The following TMEM108 variants were observed in gnomAD, a reference collection of about 807,000 sequenced individuals.
TMEM108 encodes transmembrane protein 108, also known as cancer/testis antigen 124.
TMEM108 carries 12 observed loss-of-function variants against 35.1 expected under a neutral mutation model. The ratio of observed to expected loss-of-function variants is 0.34; its 90% CI spans 0.22 to 0.55. The LOEUF (loss-of-function observed/expected upper bound fraction) is 0.55. Among genes scored for constraint, TMEM108 ranks in the 20% least tolerant of loss-of-function variants. TMEM108 has a pLI of 0.89. For synonymous variants in TMEM108, 287 were observed against 308.6 expected, an observed-to-expected ratio of 0.93 and a Z score of 0.73; for missense variants, 680 against 753.3, an observed-to-expected ratio of 0.90 and a Z score of 1.14.
At chr3:133,308,544 T>G (rs190757074) in intron 3 of TMEM108, among the ~76,000 whole-genome samples, 2 of 152,168 alleles carry the variant, frequency 1.3e-5, no homozygotes, top group Non-Finnish European at 2.9e-5. Context: ...CATCAATACC[T>G]AGTTTATTGA....
chr3:133,255,860 A>G (rs1946538544), intron 3 of TMEM108, among the ~76,000 whole-genome samples: 2 of 152,068 alleles, frequency 1.3e-5, no homozygotes, highest in African/African-American at 4.8e-5. Context: ...ATGGTGGTGC[A>G]CGCCTGTCAT....
At chr3:133,272,312 T>TG (rs1553755045) in intron 3 of TMEM108, among the ~76,000 whole-genome samples, 4,841 of 141,824 alleles carry the variant, frequency 0.034, 83 homozygotes, top group South Asian at 0.038. Flanking sequence ...TGTGTGTGTG[T>TG]TTCCTAAAGG....
chr3:133,281,286 G>C (rs950186119), intron 3 of TMEM108, among the ~76,000 whole-genome samples: 3 of 152,160 alleles, frequency 2.0e-5, no homozygotes, highest in Non-Finnish European at 4.4e-5. Flanking sequence ...CCAGGGCCTG[G>C]TCATTCTGTT....
intron 2 of TMEM108, among the ~76,000 whole-genome samples, chr3:133,174,457 C>T (rs62280320): frequency 0.19 from 29,107 of 152,092 alleles, 3,630 homozygotes; most frequent in East Asian, 0.39. Flanking sequence ...CTCACATGGC[C>T]GGATACTCCT....
At chr3:133,332,430 G>T (rs1009342693) in intron 3 of TMEM108, among the ~76,000 whole-genome samples, 4 of 152,204 alleles carry the variant, frequency 2.6e-5, no homozygotes, top group Non-Finnish European at 5.9e-5. Context: ...CGCTCTGAAA[G>T]CTAGTTAATG....
At chr3:133,177,983 A>G (rs544361921) in intron 2 of TMEM108, among the ~76,000 whole-genome samples, 10 of 152,368 alleles carry the variant, frequency 6.6e-5, no homozygotes, top group African/African-American at 1.9e-4. Context: ...TGCAAAATCA[A>G]TGTGCAAAAA....
chr3:133,179,484 T>G (rs570376965), intron 2 of TMEM108, among the ~76,000 whole-genome samples: 200 of 151,748 alleles, frequency 1.3e-3, no homozygotes, highest in African/African-American at 4.5e-3. Flanking sequence ...CCATAAAAAA[T>G]GATGAGTTCA....
At chr3:133,153,325 G>A (rs1199329687) in intron 2 of TMEM108, among the ~76,000 whole-genome samples, 1 of 152,058 alleles carries the variant, frequency 6.6e-6, no homozygotes, top group African/African-American at 2.4e-5. Context: ...GGCTCAAGTG[G>A]AAGCATTTGG....
Position 133,286,424 on chromosome 3 carries a change from C to T in TMEM108, c.40+57073C>T, listed in dbSNP as rs140788812. Among the ~76,000 whole-genome samples the T allele has an allele frequency of 4.2e-3, 646 of 152,282 alleles. 2 individuals are homozygous for T. Among genetic ancestry groups the T allele is most frequent in the African/African-American group, 0.014 (600 of 41,554 alleles). On this transcript the variant is annotated intron_variant, in intron 3 of 5. Coordinates refer to ENST00000321871, the MANE Select transcript of TMEM108 (RefSeq NM_023943.4). Reference sequence around the variant, plus strand: ...TCATAGCTCACTGTAACCTTGAACTCCTGGGCCCAAGGGACCCTCCCACCT... The same window carrying T: ...TCATAGCTCACTGTAACCTTGAACTTCTGGGCCCAAGGGACCCTCCCACCT...
At chr3:133,110,879 A>G (rs1368191005) in intron 2 of TMEM108, among the ~76,000 whole-genome samples, 2 of 152,186 alleles carry the variant, frequency 1.3e-5, no homozygotes, top group Admixed American at 6.5e-5. Flanking sequence ...TTGCATTTCT[A>G]CCAAGTTCCC....
rs1309839790 is a variant in TMEM108, at chr3:133,230,381, A to G, written c.40+1030A>G. Among the ~76,000 whole-genome samples the G allele has an allele frequency of 3.3e-5, 5 of 152,182 alleles. No homozygotes were observed. In the East Asian group the frequency reaches 7.7e-4, roughly 23 times the overall value. Reference sequence around the variant, plus strand: ...TGCTGAATTCTAATCCCTAAAACACATATCACGTCAGCCTGTTTCAGCCTG... The same window carrying G: ...TGCTGAATTCTAATCCCTAAAACACGTATCACGTCAGCCTGTTTCAGCCTG... On this transcript the variant is annotated intron_variant, in intron 3 of 5. Transcript: ENST00000321871.
chr3:133,277,021 G>T (rs1946847930), intron 3 of TMEM108, among the ~76,000 whole-genome samples: 1 of 152,154 alleles, frequency 6.6e-6, no homozygotes, highest in Non-Finnish European at 1.5e-5. Flanking sequence ...CGTGTGAGGT[G>T]CTGGATCAAG....
In TMEM108 at chr3:133,145,336, G is replaced by A. The variant is rs138080066; in HGVS notation, c.-46-83930G>A. Among the ~76,000 whole-genome samples, 71 of 152,108 alleles carry A rather than the reference G, an allele frequency of 4.7e-4. No homozygotes were observed. The East Asian group carries it at 0.014, about 29-fold the overall frequency. ...CCATTGGTCTGTATATCTGTTTTGG[G>A]CCAGTAACATGCTGTTTTGGTTACT... is the stretch of plus-strand genomic sequence containing the variant. On this transcript the variant is annotated intron_variant, in intron 2 of 5. Coordinates refer to ENST00000321871, the MANE Select transcript of TMEM108 (RefSeq NM_023943.4).
Position 133,388,331 on chromosome 3 carries a change from C to T in TMEM108, c.1451-1849C>T, listed in dbSNP as rs186101073. 9.2e-6 allele frequency: 9 copies of T among 981,994 alleles called. No homozygotes were observed. The East Asian group carries it at 6.8e-4, about 75-fold the overall frequency. The allele number at this position is 981,994 out of a possible 1,614,324, so 60.8% of individuals were successfully genotyped here. A position where few individuals can be genotyped will look rare whatever the true frequency, so the allele number is the denominator to read the frequency against. On this transcript the variant is annotated intron_variant, in intron 4 of 5. Coordinates refer to ENST00000321871, the MANE Select transcript of TMEM108 (RefSeq NM_023943.4). ...TTGTCCCAGCTCTGCCACTCACATA[C>T]CTGTGACCTGTGGCAAGGCGGCCAG...
intron 3 of TMEM108, among the ~76,000 whole-genome samples, chr3:133,250,139 A>G (rs1399524360): frequency 6.6e-6 from 1 of 152,162 alleles, no homozygotes; most frequent in Non-Finnish European, 1.5e-5. Flanking sequence ...GCTTAGTTCT[A>G]GATAGGACTA....
intron 2 of TMEM108, among the ~76,000 whole-genome samples, chr3:133,087,911 G>T (rs1311067584): frequency 6.6e-6 from 1 of 152,128 alleles, no homozygotes; most frequent in Non-Finnish European, 1.5e-5. Flanking sequence ...CAACTACGTG[G>T]TGCCTTTGAG....
chr3:133,238,493 A>G (rs1946270421), intron 3 of TMEM108, among the ~76,000 whole-genome samples: 1 of 152,254 alleles, frequency 6.6e-6, no homozygotes, highest in South Asian at 2.1e-4. Flanking sequence ...TATAGATAAA[A>G]TACAGAATTA....
intron 4 of TMEM108, chr3:133,389,163 C>G (rs1364772168): frequency 1.0e-6 from 1 of 985,572 alleles, no homozygotes; most frequent in African/African-American, 1.7e-5. Flanking sequence ...GGCCACCCCA[C>G]CTCTCTGACC....
At chr3:133,378,138 C>G (rs770345355) in intron 3 of TMEM108, among the ~76,000 whole-genome samples, 4 of 152,208 alleles carry the variant, frequency 2.6e-5, no homozygotes, top group Non-Finnish European at 4.4e-5. Context: ...TTGTTTAGGG[C>G]AAATTTTTGG....
Sources: gnomAD v4.1 joint callset for allele counts (sites outside exome capture counted in the v4.1 genomes callset) on GRCh38, gnomAD v4.1.1 for gene constraint, MANE v1.5 for transcripts, NCBI Gene and HGNC (gene_info 2026-07-23, HGNC 2026-07-21) for gene names.